HUNK: variants seen among roughly 807,000 people sequenced by gnomAD.
HUNK encodes the protein hormonally up-regulated neu tumor-associated kinase.
Under a neutral mutation model 61.0 loss-of-function variants are expected in HUNK, and 21 were observed. That is an observed-to-expected ratio of 0.34 (90% CI 0.24 to 0.50). The LOEUF is 0.50. Ranked by LOEUF, HUNK falls within the 20% of genes least tolerant of loss-of-function variation. The pLI is 0.98. For missense variants in HUNK, 772 were observed against 945.7 expected, an observed-to-expected ratio of 0.82 and a Z score of 2.41; for synonymous variants, 371 against 386.1, an observed-to-expected ratio of 0.96 and a Z score of 0.46.
At chr21:31,904,949 A>G (rs895831909) in intron 1 of HUNK, among the ~76,000 whole-genome samples, 4 of 152,012 alleles carry the variant, frequency 2.6e-5, no homozygotes, top group African/African-American at 9.7e-5. Flanking sequence ...ACGGTGGTGC[A>G]CACCTGTAAT....
intron 6 of HUNK, among the ~76,000 whole-genome samples, chr21:31,969,276 C>T (rs1487063007): frequency 6.6e-6 from 1 of 152,198 alleles, no homozygotes; most frequent in Non-Finnish European, 1.5e-5. Context: ...CCTTTCCAAA[C>T]CACCCTTAGA....
chr21:31,900,610 C>G (rs768191478), intron 1 of HUNK, among the ~76,000 whole-genome samples: 3 of 152,186 alleles, frequency 2.0e-5, no homozygotes, highest in African/African-American at 4.8e-5. Context: ...GTCTCCTCTT[C>G]GAGTCTGGCT....
chr21:31,984,997 C>A (rs997799234), intron 8 of HUNK, among the ~76,000 whole-genome samples: 1 of 152,170 alleles, frequency 6.6e-6, no homozygotes, highest in African/African-American at 2.4e-5. Context: ...TGGTGGCAGG[C>A]AAGAGAGCTT....
At chr21:31,989,748 G>C (rs2053159047) in intron 8 of HUNK, among the ~76,000 whole-genome samples, 2 of 149,558 alleles carry the variant, frequency 1.3e-5, no homozygotes, top group Admixed American at 1.3e-4. Flanking sequence ...GGTTACTTTG[G>C]GGGACAGAAT....
At chr21:31,928,485 C>A (rs1006102569) in intron 2 of HUNK, among the ~76,000 whole-genome samples, 2 of 152,148 alleles carry the variant, frequency 1.3e-5, no homozygotes, top group African/African-American at 4.8e-5. Flanking sequence ...TTTCTCTGAT[C>A]TCCAGCTTTT....
At chr21:31,890,627 T>C (rs1167680835) in intron 1 of HUNK, among the ~76,000 whole-genome samples, 1 of 152,170 alleles carries the variant, frequency 6.6e-6, no homozygotes, top group Non-Finnish European at 1.5e-5. Context: ...TTGTTGGACA[T>C]TGAGGTTGTT....
chr21:32,000,641 C>T lies in HUNK; in HGVS notation c.*1457C>T, dbSNP rs942477408. ...TGACCAGAGACCACCTCTGTGGCCACCTCAGATAGTCATCTCAGTCCAAGG... is the reference window on the plus strand; with the variant it reads ...TGACCAGAGACCACCTCTGTGGCCATCTCAGATAGTCATCTCAGTCCAAGG... On this transcript the variant is annotated 3_prime_UTR_variant, in exon 11 of 11. Transcript: ENST00000270112. The T allele has an allele frequency of 5.0e-6, 2 of 398,928 alleles. No homozygotes were observed. The highest frequency in any genetic ancestry group is 4.1e-5 in the African/African-American group (2 of 48,638). The allele number at this position is 398,928 out of a possible 1,614,324, so 24.7% of individuals were successfully genotyped here.
intron 1 of HUNK, among the ~76,000 whole-genome samples, chr21:31,921,154 C>CAAAAAAAA (rs751938845): frequency 5.1e-5 from 2 of 39,374 alleles, no homozygotes; most frequent in African/African-American, 1.5e-4. Flanking sequence ...GATTCCATCT[C>CAAAAAAAA]AAAAAAAAAA....
chr21:31,885,274 C>T (rs993328369), intron 1 of HUNK, among the ~76,000 whole-genome samples: 4 of 152,172 alleles, frequency 2.6e-5, no homozygotes, highest in East Asian at 1.9e-4. Flanking sequence ...TACATTAATG[C>T]GTGTGTGTGA....
At chr21:31,888,236 C>T (rs542358296) in intron 1 of HUNK, among the ~76,000 whole-genome samples, 67 of 152,108 alleles carry the variant, frequency 4.4e-4, no homozygotes, top group African/African-American at 1.5e-3. Flanking sequence ...TGCAGGTTTC[C>T]GAATAACAGT....
At chr21:31,890,262 T>C (rs1468481788) in intron 1 of HUNK, among the ~76,000 whole-genome samples, 1 of 151,644 alleles carries the variant, frequency 6.6e-6, no homozygotes, top group Non-Finnish European at 1.5e-5. Flanking sequence ...AGAGTCTCGC[T>C]CTGTTGCTCA....
rs976642817 is a variant in HUNK at position 31,982,896 on chromosome 21, C to T, written c.1174-630C>T. Among the ~76,000 whole-genome samples, 5 of 152,254 alleles carry T rather than the reference C, an allele frequency of 3.3e-5. No individual in the cohort carries two copies. The East Asian group carries it at 5.8e-4, about 18-fold the overall frequency. ...TTGGCTCACTGCAGCCTCCACCTCCCGGATTCAAGTGATTCTCCTTCCTCA... is the reference window on the plus strand; with the variant it reads ...TTGGCTCACTGCAGCCTCCACCTCCTGGATTCAAGTGATTCTCCTTCCTCA... On this transcript the variant is annotated intron_variant, in intron 7 of 10. Coordinates refer to ENST00000270112, the MANE Select transcript of HUNK (RefSeq NM_014586.2).
chr21:31,924,604 A>T lies in HUNK; in HGVS notation c.398A>T (p.Glu133Val). ...CAGCTCCTTGATATTTTAGAAACGG[A>T]AAACAGCTACTACCTGGTCATGGAG... ...ITQLLDILET[E>V]NSYYLVMELC... The change falls in exon 2 of 11, where the codon GAA becomes GTA. Residue 133 changes from glutamate (E) to valine (V), a missense_variant. By Grantham distance (121) the Glu-to-Val change is moderately radical. Transcript: ENST00000270112. This position sits in a 1 kb window ranked among gnomAD's most constrained non-coding sequence, Gnocchi z 5.1. 6.2e-7 allele frequency: 1 copy of T among 1,614,210 alleles called. No homozygotes were observed. Among genetic ancestry groups the T allele is most frequent in the Non-Finnish European group, 8.5e-7 (1 of 1,180,032 alleles).
chr21:31,902,395 A>C (rs568414821), intron 1 of HUNK, among the ~76,000 whole-genome samples: 1 of 152,260 alleles, frequency 6.6e-6, no homozygotes, highest in South Asian at 2.1e-4. Context: ...CTGGAATCCC[A>C]GCTACTCAGG....
intron 5 of HUNK, among the ~76,000 whole-genome samples, chr21:31,967,395 C>T (rs1236290062): frequency 1.3e-5 from 2 of 152,000 alleles, no homozygotes; most frequent in African/African-American, 4.8e-5. Context: ...AAATAAAAGG[C>T]TTCGTGTGCA....
chr21:31,946,007 G>C (rs1439615536), intron 3 of HUNK, 29 bp from the exon 4 acceptor site: 1 of 1,550,138 alleles, frequency 6.5e-7, no homozygotes, highest in East Asian at 2.3e-5. Flanking sequence ...TTCTAATTCG[G>C]AGCTTGTTTT....
At chr21:31,921,101 G>A (rs111271767) in intron 1 of HUNK, among the ~76,000 whole-genome samples, 2,950 of 129,414 alleles carry the variant, frequency 0.023, 76 homozygotes, top group African/African-American at 0.081. Context: ...GCAGGGAGCC[G>A]CCAAGATTGT....
intron 8 of HUNK, among the ~76,000 whole-genome samples, chr21:31,987,247 C>T (rs961339399): frequency 2.0e-5 from 3 of 152,316 alleles, no homozygotes; most frequent in African/African-American, 7.2e-5. Context: ...CCGTGCCTTA[C>T]GGCAGGGAGG....
At chr21:31,946,005 C>T (rs777598067) in intron 3 of HUNK, 31 bp from the exon 4 acceptor site, 24 of 1,552,330 alleles carry the variant, frequency 1.5e-5, no homozygotes, top group South Asian at 9.6e-5. Flanking sequence ...TTTTCTAATT[C>T]GGAGCTTGTT....
Sources: gnomAD v4.1 joint callset for allele counts (sites outside exome capture counted in the v4.1 genomes callset) on GRCh38, gnomAD v4.1.1 for gene constraint, Gnocchi (gnomAD v3.1) non-coding constraint, MANE v1.5 for transcripts, NCBI Gene and HGNC (gene_info 2026-07-23, HGNC 2026-07-21) for gene names.